The following CPD variants were observed in gnomAD, a reference collection of about 807,000 sequenced individuals.
CPD encodes carboxypeptidase D, also known as metallocarboxypeptidase D.
CPD carries 69 observed loss-of-function variants against 138.3 expected under a neutral mutation model. That is an observed-to-expected ratio of 0.50 (90% CI 0.41 to 0.61). The LOEUF (loss-of-function observed/expected upper bound fraction) is 0.61, where lower values mean the gene tolerates loss of function less well. CPD is among the 20% of genes least tolerant of loss of function. The probability of loss-of-function intolerance (pLI) is 0.00; values close to 1 mark genes in which losing one functional copy is unlikely to be tolerated. For missense variants in CPD, 1,432 were observed against 1,733.3 expected, an observed-to-expected ratio of 0.83 and a Z score of 3.09; for synonymous variants, 651 against 642.1, an observed-to-expected ratio of 1.01 and a Z score of -0.21.
chr17:30,400,234 C>T (rs187304224), intron 2 of CPD, among the ~76,000 whole-genome samples: 50 of 152,226 alleles, frequency 3.3e-4, no homozygotes, highest in South Asian at 8.3e-4. Flanking sequence ...GTGTTTTCAA[C>T]GATATCTTTT....
intron 6 of CPD, among the ~76,000 whole-genome samples, chr17:30,424,126 T>G (rs892150515): frequency 6.6e-5 from 10 of 152,270 alleles, no homozygotes; most frequent in Admixed American, 2.6e-4. Flanking sequence ...TTAAACATTT[T>G]AAGAAGACAT....
intron 2 of CPD, among the ~76,000 whole-genome samples, chr17:30,395,282 T>C (rs1321338435): frequency 1.3e-5 from 2 of 151,598 alleles, no homozygotes; most frequent in African/African-American, 4.8e-5. Flanking sequence ...AATTCAGATA[T>C]TAATTCTCAG....
intron 14 of CPD, 23 bp from the exon 15 acceptor site, chr17:30,455,316 T>C (rs1567883852): frequency 1.3e-6 from 2 of 1,577,308 alleles, no homozygotes; most frequent in Middle Eastern, 1.7e-4. Flanking sequence ...TGATATTTTA[T>C]ATTTGACTTT....
Position 30,420,834 on chromosome 17 carries a change from G to C in CPD, c.995-7G>C, listed in dbSNP as rs760667849. Reference sequence around the variant, plus strand: ...CTGAGAGTAAACTTATTTTTTCTATGTTACAGGTGGTATGCAAGATTACAA... The same window carrying C: ...CTGAGAGTAAACTTATTTTTTCTATCTTACAGGTGGTATGCAAGATTACAA... On this transcript the variant is annotated splice_polypyrimidine_tract_variant and splice_region_variant and intron_variant, in intron 2 of 20. Coordinates refer to ENST00000225719, the MANE Select transcript of CPD (RefSeq NM_001304.5). The C allele has an allele frequency of 7.5e-6, 12 of 1,603,876 alleles. No homozygotes were observed. In the South Asian group the frequency reaches 7.8e-5, roughly 10 times the overall value.
At chr17:30,460,774 T>C (rs752495588) in intron 17 of CPD, among the ~76,000 whole-genome samples, 5 of 152,178 alleles carry the variant, frequency 3.3e-5, no homozygotes, top group Non-Finnish European at 7.3e-5. Flanking sequence ...GGGTCCAGGT[T>C]GAGGGTATGA....
chr17:30,424,145 A>C lies in CPD; in HGVS notation c.1849+448A>C, dbSNP rs188728656. Among the ~76,000 whole-genome samples the C allele has an allele frequency of 7.2e-5, 11 of 152,252 alleles. No homozygotes were observed. The East Asian group carries it at 1.9e-3, about 27-fold the overall frequency. ...ACATTTTAAGAAGACATGAGACATC[A>C]GTCAGACACATTTAAGATATACATT... is the stretch of plus-strand genomic sequence containing the variant. On this transcript the variant is annotated intron_variant, in intron 6 of 20. Transcript: ENST00000225719.
intron 7 of CPD, 70 bp downstream of exon 7, chr17:30,427,628 C>T (rs1912454887): frequency 7.2e-7 from 1 of 1,390,364 alleles, no homozygotes; most frequent in African/African-American, 1.4e-5. Context: ...GGAATTTTAT[C>T]TGTTTGTAGT....
In CPD at chr17:30,465,525, T is replaced by C. The variant is rs1913613304; in HGVS notation, c.*711T>C. The C allele has an allele frequency of 6.6e-6, 1 of 152,632 alleles. No homozygotes were observed. The highest frequency in any genetic ancestry group is 6.5e-5 in the Admixed American group (1 of 15,272). 9.5% of individuals were successfully genotyped at this position (152,632 alleles called of 1,614,324 possible). ...CTTACTAACTTTATTGTGAAAGGTC[T>C]AAATGCCCACTTGAATGAAGCTGAG... On this transcript the variant is annotated 3_prime_UTR_variant, in exon 21 of 21. Transcript: ENST00000225719.
intron 3 of CPD, 141 bp downstream of exon 3, chr17:30,421,124 AAGATTATT>A: frequency 1.6e-6 from 1 of 633,476 alleles, no homozygotes; most frequent in Non-Finnish European, 2.4e-6. Context: ...ATTATCTTTA[AAGATTATT>A]AGATTATAAT....
At chr17:30,424,654 A>G (rs1368393701) in intron 6 of CPD, among the ~76,000 whole-genome samples, 2 of 152,222 alleles carry the variant, frequency 1.3e-5, no homozygotes, top group Admixed American at 1.3e-4. Flanking sequence ...CTCCCTCTGC[A>G]TATTCCAGAC....
At chr17:30,453,519 C>T (rs1913217597) in intron 14 of CPD, among the ~76,000 whole-genome samples, 1 of 152,186 alleles carries the variant, frequency 6.6e-6, no homozygotes. Flanking sequence ...CAGGCTGTCT[C>T]CCAGCTGCTT....
intron 4 of CPD, 57 bp from the exon 5 acceptor site, chr17:30,422,617 T>C: frequency 8.6e-7 from 1 of 1,161,716 alleles, no homozygotes; most frequent in East Asian, 2.4e-5. Flanking sequence ...TTTTATAATA[T>C]TAAAGCATTG....
rs1913705876 is a variant in CPD, at chr17:30,468,598, G to A, written c.*3784G>A. 6.6e-6 allele frequency: 1 copy of A among 152,582 alleles called. No individual in the cohort carries two copies. Among genetic ancestry groups the A allele is most frequent in the African/African-American group, 2.4e-5 (1 of 41,428 alleles). The allele number at this position is 152,582 out of a possible 1,614,324, so 9.5% of individuals were successfully genotyped here. On this transcript the variant is annotated 3_prime_UTR_variant, in exon 21 of 21. Transcript: ENST00000225719. ...TTTTAAAAGTCAATTTGTAATTTAT[G>A]TGAAATCTAACTGTAATGAGGTCCT...
chr17:30,451,582 CA>C lies in CPD; in HGVS notation c.3070-128del, dbSNP rs1392941054. 20 of 800,122 alleles carry C rather than the reference CA, an allele frequency of 2.5e-5. No individual in the cohort carries two copies. The African/African-American group carries it at 3.2e-4, about 13-fold the overall frequency. The allele number at this position is 800,122 out of a possible 1,614,324, so 49.6% of individuals were successfully genotyped here. A position where few individuals can be genotyped will look rare whatever the true frequency, so the allele number is the denominator to read the frequency against. ...AAGGAAATTTAATTTTTTATTTTTT[CA>C]TTCATCTTAGTTCTGTCTTTTAAAT... On this transcript the variant is annotated intron_variant, in intron 13 of 20. Transcript: ENST00000225719.
At chr17:30,392,397 C>T (rs1381653878) in intron 2 of CPD, among the ~76,000 whole-genome samples, 1 of 152,042 alleles carries the variant, frequency 6.6e-6, no homozygotes, top group Non-Finnish European at 1.5e-5. Flanking sequence ...ATAAGCTTGC[C>T]TTACTGGTAG....
At chr17:30,399,588 T>C (rs1468699246) in intron 2 of CPD, among the ~76,000 whole-genome samples, 1 of 152,242 alleles carries the variant, frequency 6.6e-6, no homozygotes, top group East Asian at 1.9e-4. Context: ...TTTTCCTTGC[T>C]CTGAAGTCTA....
chr17:30,396,159 C>T (rs919958103), intron 2 of CPD, among the ~76,000 whole-genome samples: 4 of 152,044 alleles, frequency 2.6e-5, no homozygotes, highest in Non-Finnish European at 2.9e-5. Flanking sequence ...AATTCAAAGT[C>T]GTGAGAGAAT....
At chr17:30,435,615 GC>G (rs1912678832) in intron 8 of CPD, among the ~76,000 whole-genome samples, 1 of 152,098 alleles carries the variant, frequency 6.6e-6, no homozygotes, top group Admixed American at 6.6e-5. Flanking sequence ...GACATCGGAA[GC>G]ACAAGTGACA....
At chr17:30,434,253 A>G (rs1912643055) in intron 8 of CPD, among the ~76,000 whole-genome samples, 2 of 152,218 alleles carry the variant, frequency 1.3e-5, no homozygotes, top group African/African-American at 2.4e-5. Flanking sequence ...CACTGTTGGC[A>G]TCACAAAAGA....
Sources: gnomAD v4.1 joint callset for allele counts (sites outside exome capture counted in the v4.1 genomes callset) on GRCh38, gnomAD v4.1.1 for gene constraint, MANE v1.5 for transcripts, NCBI Gene and HGNC (gene_info 2026-07-23, HGNC 2026-07-21) for gene names.